ARHGEF10L: variants seen among roughly 807,000 people sequenced by gnomAD.
ARHGEF10L encodes rho guanine nucleotide exchange factor 10-like protein.
Under a neutral mutation model 141.2 loss-of-function variants are expected in ARHGEF10L, and 69 were observed. The ratio of observed to expected loss-of-function variants is 0.49; its 90% CI spans 0.40 to 0.60. The LOEUF is 0.60. ARHGEF10L is among the 20% of genes least tolerant of loss of function. The pLI is 0.00. For synonymous variants in ARHGEF10L, 711 were observed against 718.5 expected (o/e 0.99, Z 0.17); for missense variants, 1,482 against 1,734.3 (o/e 0.85, Z 2.58).
intron 1 of ARHGEF10L, among the ~76,000 whole-genome samples, chr1:17,561,844 G>A (rs2077556702): frequency 6.6e-6 from 1 of 152,164 alleles, no homozygotes; most frequent in Non-Finnish European, 1.5e-5. Context: ...TTTTGCCCTG[G>A]AAAGCCTGTC....
chr1:17,552,398 C>T (rs566966268), intron 1 of ARHGEF10L, among the ~76,000 whole-genome samples: 1 of 151,932 alleles, frequency 6.6e-6, no homozygotes, highest in African/African-American at 2.4e-5. Flanking sequence ...TTGTTTCAAT[C>T]TATCTTTTTT....
At chr1:17,575,116 A>G (rs925549666) in intron 1 of ARHGEF10L, among the ~76,000 whole-genome samples, 1 of 152,228 alleles carries the variant, frequency 6.6e-6, no homozygotes, top group Non-Finnish European at 1.5e-5. Context: ...GGCCAGACCC[A>G]GTGCTACCCA....
intron 2 of ARHGEF10L, among the ~76,000 whole-genome samples, chr1:17,582,901 A>G (rs1161581347): frequency 6.6e-6 from 1 of 152,042 alleles, no homozygotes; most frequent in Non-Finnish European, 1.5e-5. Context: ...CACTGCATGC[A>G]TGGATAACTG....
chr1:17,681,052 C>T (rs1045565660), intron 26 of ARHGEF10L, among the ~76,000 whole-genome samples: 1 of 152,096 alleles, frequency 6.6e-6, no homozygotes, highest in Non-Finnish European at 1.5e-5. Flanking sequence ...GGATTACAGG[C>T]GTGAGCCACT....
the ARHGEF10L span, among the ~76,000 whole-genome samples, chr1:17,519,029 G>T: frequency 6.6e-6 from 1 of 151,344 alleles, no homozygotes; most frequent in South Asian, 2.1e-4. Context: ...TACAAAATTA[G>T]CTGGGTCGGG....
intron 26 of ARHGEF10L, among the ~76,000 whole-genome samples, chr1:17,680,069 G>T (rs1244786910): frequency 6.6e-6 from 1 of 152,064 alleles, no homozygotes; most frequent in Non-Finnish European, 1.5e-5. Context: ...GCCCCGCCTT[G>T]CCCCACCCTG....
Position 17,644,730 on chromosome 1 carries a change from G to A in ARHGEF10L, c.2273-3824G>A, listed in dbSNP as rs573317088. Among the ~76,000 whole-genome samples the A allele has an allele frequency of 5.9e-5, 9 of 151,992 alleles. No homozygotes were observed. Among genetic ancestry groups the A allele is most frequent in the East Asian group, 1.9e-4 (1 of 5,142 alleles). On this transcript the variant is annotated intron_variant, in intron 21 of 28. Coordinates refer to ENST00000361221, the MANE Select transcript of ARHGEF10L (RefSeq NM_018125.4). The surrounding 1 kb of genome is among the most constrained non-coding windows in gnomAD (Gnocchi z 4.5). ...CCAGTAGGAGTCTGGGAGGCAGGTC[G>A]GGCTGGAGAAGCAGGGCTGGGCCCG...
At chr1:17,635,710 G>T (rs1287394674) in intron 18 of ARHGEF10L, among the ~76,000 whole-genome samples, 1 of 152,194 alleles carries the variant, frequency 6.6e-6, no homozygotes, top group African/African-American at 2.4e-5. Flanking sequence ...CTTTATGGGT[G>T]ATTGATCGGT....
intron 26 of ARHGEF10L, among the ~76,000 whole-genome samples, chr1:17,670,195 G>C (rs1463315619): frequency 6.6e-6 from 1 of 152,260 alleles, no homozygotes; most frequent in Non-Finnish European, 1.5e-5. Flanking sequence ...ACATGGCCTG[G>C]ACTCTGCGCC....
rs2061204466 is a variant in ARHGEF10L, at chr1:17,639,457, A to G, written c.2172-745A>G. On this transcript the variant is annotated intron_variant, in intron 20 of 28. Coordinates refer to ENST00000361221, the MANE Select transcript of ARHGEF10L (RefSeq NM_018125.4). This position sits in a 1 kb window ranked among gnomAD's most constrained non-coding sequence, Gnocchi z 4.3. ...AGGTTGGAGCACTATCATTTGAGGT[A>G]GGACCATGGGCTCAGTCCCCCAGGG... Among the ~76,000 whole-genome samples the G allele has an allele frequency of 6.6e-6, 1 of 152,228 alleles. No individual in the cohort carries two copies. The highest frequency in any genetic ancestry group is 6.5e-5 in the Admixed American group (1 of 15,282).
intron 1 of ARHGEF10L, among the ~76,000 whole-genome samples, chr1:17,542,921 C>T (rs772049595): frequency 2.0e-5 from 3 of 152,168 alleles, no homozygotes; most frequent in Non-Finnish European, 2.9e-5. Flanking sequence ...TCCTGTCACC[C>T]GGCTAGACAA....
intron 1 of ARHGEF10L, among the ~76,000 whole-genome samples, chr1:17,555,964 C>T (rs2077289736): frequency 6.6e-6 from 1 of 151,948 alleles, no homozygotes; most frequent in African/African-American, 2.4e-5. Context: ...CCCAGGGACG[C>T]TGGCTCACCT....
Position 17,637,967 on chromosome 1 carries a change from C to G in ARHGEF10L, c.2007C>G (p.Ile669Met). The change falls in exon 19 of 29, where the codon ATC (isoleucine) becomes ATG (methionine). Residue 669 changes from isoleucine to methionine, a missense_variant. Ile to Met is a conservative substitution (Grantham distance 10). Around this residue, in one of 3 missense-constraint regions of ARHGEF10L, gnomAD observed 858 missense variants for 966.3 expected, o/e 0.89. Transcript: ENST00000361221. ...AGGACCTGGCCGTGGTGGAGCAGAT[C>G]ACGCTTCTCATCAGCACGCTGCACG... is the stretch of plus-strand genomic sequence containing the variant. ...LQKDLAVVEQ[I>M]TLLISTLHGT... The G allele has an allele frequency of 6.3e-7, 1 of 1,599,168 alleles. No individual in the cohort carries two copies. The highest frequency in any genetic ancestry group is 8.5e-7 in the Non-Finnish European group (1 of 1,172,880).
intron 26 of ARHGEF10L, among the ~76,000 whole-genome samples, chr1:17,686,078 T>TTTCTCTTTCTTTCTTTCTTTCTTTCTTTC (rs1558033249): frequency 2.1e-5 from 3 of 140,552 alleles, no homozygotes; most frequent in African/African-American, 9.0e-5. Context: ...GTTTTGTTTT[T>TTTCTCTTTCTTTCTTTCTTTCTTTCTTTC]TTTCTTTCTT....
At chr1:17,663,279 C>A (rs983229294) in intron 25 of ARHGEF10L, among the ~76,000 whole-genome samples, 2 of 152,098 alleles carry the variant, frequency 1.3e-5, no homozygotes, top group East Asian at 3.8e-4. Flanking sequence ...GGATCAGGCA[C>A]GGTGGCTCAT....
intron 4 of ARHGEF10L, among the ~76,000 whole-genome samples, chr1:17,590,370 G>A (rs186916033): frequency 6.6e-6 from 1 of 152,104 alleles, no homozygotes; most frequent in African/African-American, 2.4e-5. Flanking sequence ...TCCCGGGGAG[G>A]CTTGTGCGGC....
chr1:17,549,710 CATCGGAGGTTT>C lies in ARHGEF10L; in HGVS notation c.-44+9761_-44+9771del, dbSNP rs561415660. On this transcript the variant is annotated intron_variant, in intron 1 of 28. Coordinates refer to ENST00000361221, the MANE Select transcript of ARHGEF10L (RefSeq NM_018125.4). ...TGTTACTCTAGGTGCAAAAGGAAAC[CATCGGAGGTTT>C]GTTTTCCACTTCCCATAAATACCTT... Among the ~76,000 whole-genome samples, 552 of 152,278 alleles carry C rather than the reference CATCGGAGGTTT, an allele frequency of 3.6e-3. 1 individual carries two copies. The highest frequency in any genetic ancestry group is 4.2e-3 in the Non-Finnish European group (289 of 68,012).
chr1:17,620,026 T>TAAAAATAC (rs2060022092), intron 10 of ARHGEF10L, among the ~76,000 whole-genome samples: 1 of 151,894 alleles, frequency 6.6e-6, no homozygotes, highest in African/African-American at 2.4e-5. Context: ...CCATCTCTAC[T>TAAAAATAC]AAAAATACAA....
rs368047357 is a variant in ARHGEF10L at position 17,656,052 on chromosome 1, C to A, written c.2655C>A (p.Asp885Glu). The change falls in exon 24 of 29, where the codon GAC becomes GAA. Residue 885 changes from aspartate (D) to glutamate (E), a missense_variant. Asp to Glu is a conservative substitution (Grantham distance 45, BLOSUM62 2). Coordinates refer to ENST00000361221, the MANE Select transcript of ARHGEF10L (RefSeq NM_018125.4). This position sits in a 1 kb window ranked among gnomAD's most constrained non-coding sequence, Gnocchi z 4.9. ...ESRDESPTVA[D>E]PSATVHPTIC... ...GAGACGAGAGCCCGACAGTTGCTGA[C>A]CCCTCGGCCACGGTGCATCCAACCA... 6.4e-7 allele frequency: 1 copy of A among 1,567,058 alleles called. No homozygotes were observed. The highest frequency in any genetic ancestry group is 2.4e-5 in the East Asian group (1 of 42,422).
Sources: gnomAD v4.1 joint callset for allele counts (sites outside exome capture counted in the v4.1 genomes callset) on GRCh38, gnomAD v4.1.1 for gene constraint, gnomAD v4.1.1 regional missense constraint, Gnocchi (gnomAD v3.1) non-coding constraint, MANE v1.5 for transcripts, NCBI Gene and HGNC (gene_info 2026-07-23, HGNC 2026-07-21) for gene names.